The following EBF1 variants were observed in gnomAD, a reference collection of about 807,000 sequenced individuals.
The protein encoded by EBF1 is transcription factor COE1.
A neutral mutation model predicts 68.4 loss-of-function variants in EBF1; 10 were observed. The ratio of observed to expected loss-of-function variants is 0.15; its 90% CI spans 0.09 to 0.25. EBF1 has a LOEUF of 0.25. Ranked by LOEUF, EBF1 falls within the 10% of genes least tolerant of loss-of-function variation. The pLI is 1.00. For synonymous variants in EBF1, 298 were observed against 299.8 expected (o/e 0.99, Z 0.06); for missense variants, 509 against 794.4 (o/e 0.64, Z 4.32).
intron 6 of EBF1, among the ~76,000 whole-genome samples, chr5:158,955,939 A>C (rs1212381369): frequency 6.6e-6 from 1 of 152,146 alleles, no homozygotes; most frequent in Non-Finnish European, 1.5e-5. Context: ...TTGTTTATGC[A>C]ACAAATACTT....
intron 6 of EBF1, among the ~76,000 whole-genome samples, chr5:159,046,850 C>G (rs1772509770): frequency 6.6e-6 from 1 of 152,202 alleles, no homozygotes; most frequent in Admixed American, 6.5e-5. Flanking sequence ...AATATCCCCA[C>G]TATGAATGAC....
intron 15 of EBF1, among the ~76,000 whole-genome samples, chr5:158,701,037 G>A (rs186869383): frequency 3.9e-5 from 6 of 152,290 alleles, no homozygotes; most frequent in Non-Finnish European, 7.4e-5. Flanking sequence ...GCAAGGAGGC[G>A]CAGGGGAGTC....
chr5:158,941,042 G>C (rs1027421519), intron 6 of EBF1, among the ~76,000 whole-genome samples: 1 of 152,122 alleles, frequency 6.6e-6, no homozygotes, highest in African/African-American at 2.4e-5. Flanking sequence ...TTAGGGCAAA[G>C]CTCTTAGCCT....
At chr5:159,002,411 T>C (rs1190757440) in intron 6 of EBF1, among the ~76,000 whole-genome samples, 1 of 152,204 alleles carries the variant, frequency 6.6e-6, no homozygotes, top group Non-Finnish European at 1.5e-5. Context: ...GCCTGACATA[T>C]ACCTCGCTTT....
intron 7 of EBF1, among the ~76,000 whole-genome samples, chr5:158,838,917 G>A (rs1243933099): frequency 1.3e-5 from 2 of 151,982 alleles, no homozygotes; most frequent in East Asian, 3.9e-4. Context: ...GCAGCACAAG[G>A]GTCTAAAACT....
At chr5:159,089,638 G>A (rs2127993243) in intron 4 of EBF1, among the ~76,000 whole-genome samples, 1 of 152,186 alleles carries the variant, frequency 6.6e-6, no homozygotes, top group African/African-American at 2.4e-5. Flanking sequence ...ACAAAATAAA[G>A]GCGGTGAAGA....
chr5:158,763,895 T>C (rs1772081941), intron 10 of EBF1, among the ~76,000 whole-genome samples: 1 of 152,180 alleles, frequency 6.6e-6, no homozygotes, highest in East Asian at 1.9e-4. Flanking sequence ...CTGCCTCCTC[T>C]ACAAAATGTT....
Position 158,696,746 on chromosome 5 carries a change from G to A in EBF1, c.*2365C>T, listed in dbSNP as rs570588298. 118 of 71,588 alleles carry A rather than the reference G, an allele frequency of 1.6e-3. No individual in the cohort carries two copies. In the East Asian group the frequency reaches 0.042, roughly 26 times the overall value. 4.4% of individuals were successfully genotyped at this position (71,588 alleles called of 1,614,324 possible). A position where few individuals can be genotyped will look rare whatever the true frequency, so the allele number is the denominator to read the frequency against. ...CCACCCACCCCAACCCATAAAAATC[G>A]CACTCTTGACAGCCTAGTGAAAACC... is the stretch of plus-strand genomic sequence containing the variant. On this transcript the variant is annotated 3_prime_UTR_variant, in exon 16 of 16. Transcript: ENST00000313708.
At chr5:158,785,312 T>C (rs1777206866) in intron 9 of EBF1, among the ~76,000 whole-genome samples, 1 of 152,186 alleles carries the variant, frequency 6.6e-6, no homozygotes, top group Non-Finnish European at 1.5e-5. Flanking sequence ...GCATTTAAAA[T>C]ATATTATTTT....
intron 4 of EBF1, among the ~76,000 whole-genome samples, chr5:159,085,040 A>G (rs1030372399): frequency 3.9e-5 from 6 of 152,358 alleles, no homozygotes; most frequent in African/African-American, 1.4e-4. Context: ...CTCATCAATA[A>G]GGAGGGAAAC....
intron 10 of EBF1, among the ~76,000 whole-genome samples, chr5:158,760,306 G>T (rs1459510028): frequency 6.6e-6 from 1 of 152,122 alleles, no homozygotes; most frequent in Non-Finnish European, 1.5e-5. Context: ...GCCCAACGTG[G>T]CATAAGTGTA....
At chr5:158,725,186 G>A (rs1193536203) in intron 11 of EBF1, among the ~76,000 whole-genome samples, 1 of 152,136 alleles carries the variant, frequency 6.6e-6, no homozygotes, top group East Asian at 1.9e-4. Flanking sequence ...TTCCTTCACG[G>A]CAGGCTGGCC....
At chr5:158,866,610 C>T (rs144979465) in intron 6 of EBF1, among the ~76,000 whole-genome samples, 141 of 151,846 alleles carry the variant, frequency 9.3e-4, no homozygotes, top group African/African-American at 3.4e-3. Context: ...TCATCCATAC[C>T]GGGCCCTGTT....
intron 14 of EBF1, 58 bp downstream of exon 14, chr5:158,712,096 T>C: frequency 1.3e-6 from 2 of 1,592,062 alleles, no homozygotes; most frequent in Admixed American, 3.5e-5. Flanking sequence ...CCACATGGCA[T>C]GATGCCAAGT....
intron 6 of EBF1, among the ~76,000 whole-genome samples, chr5:159,001,176 A>G (rs531862457): frequency 6.0e-4 from 92 of 152,316 alleles, no homozygotes; most frequent in African/African-American, 2.0e-3. Flanking sequence ...TTTTTGTTTC[A>G]GAACATGGAG....
intron 6 of EBF1, among the ~76,000 whole-genome samples, chr5:158,931,383 T>C (rs1331809022): frequency 1.3e-5 from 2 of 152,198 alleles, no homozygotes; most frequent in African/African-American, 4.8e-5. Context: ...AAATGAAAAT[T>C]GTTTTCCTTC....
chr5:159,083,492 A>G (rs1230358292), intron 5 of EBF1, among the ~76,000 whole-genome samples: 1 of 152,246 alleles, frequency 6.6e-6, no homozygotes, highest in African/African-American at 2.4e-5. Context: ...AAACTCCTAT[A>G]TATTTTAGAA....
intron 6 of EBF1, among the ~76,000 whole-genome samples, chr5:158,862,050 T>A (rs1219153717): frequency 1.3e-5 from 2 of 152,224 alleles, no homozygotes; most frequent in African/African-American, 2.4e-5. Context: ...GATCTCCTAA[T>A]GTTTGATTAC....
rs768789463 is a variant in EBF1 at position 159,097,465 on chromosome 5, G to A, written c.135-335C>T. The A allele has an allele frequency of 3.0e-5, 10 of 329,588 alleles. No homozygotes were observed. In the South Asian group the frequency reaches 5.8e-4, roughly 19 times the overall value. The allele number at this position is 329,588 out of a possible 1,614,324, so 20.4% of individuals were successfully genotyped here. A position where few individuals can be genotyped will look rare whatever the true frequency, so the allele number is the denominator to read the frequency against. ...CTGCGTGGGGAGGAAGAAAAGTGGC[G>A]GTGGATGAAGTGAACCCACCTTCGC... On this transcript the variant is annotated intron_variant, in intron 1 of 15. Coordinates refer to ENST00000313708, the MANE Select transcript of EBF1 (RefSeq NM_024007.5).
Sources: gnomAD v4.1 joint callset for allele counts (sites outside exome capture counted in the v4.1 genomes callset) on GRCh38, gnomAD v4.1.1 for gene constraint, MANE v1.5 for transcripts, NCBI Gene and HGNC (gene_info 2026-07-23, HGNC 2026-07-21) for gene names.